The following TRPC6 variants were observed in gnomAD, a reference collection of about 807,000 sequenced individuals.
TRPC6 encodes transient receptor potential cation channel subfamily C member 6.
Under a neutral mutation model 90.7 loss-of-function variants are expected in TRPC6, and 55 were observed. The observed-to-expected ratio is 0.61, with a 90% CI of 0.49 to 0.76. TRPC6 has a LOEUF of 0.76. Ranked by LOEUF, TRPC6 falls within the 30% of genes least tolerant of loss-of-function variation. TRPC6 has a pLI of 0.00. For missense variants in TRPC6, 989 were observed against 1,122.7 expected (o/e 0.88, Z 1.70); for synonymous variants, 393 against 393.0 (o/e 1.00, Z 0.00).
chr11:101,550,063 T>A (rs1018512291), intron 1 of TRPC6, among the ~76,000 whole-genome samples: 22 of 151,780 alleles, frequency 1.4e-4, no homozygotes, highest in Non-Finnish European at 2.5e-4. Context: ...ATGAAAATAA[T>A]TCTATTCAGT....
chr11:101,504,759 T>G lies in TRPC6; in HGVS notation c.210A>C (p.Thr70=). The G allele has an allele frequency of 6.2e-7, 1 of 1,605,828 alleles. No homozygotes were observed. The highest frequency in any genetic ancestry group is 8.5e-7 in the Non-Finnish European group (1 of 1,176,256). ...ACCTTCTCCCCTTCTCACGGAGAAC[T>G]GTCTGCCGCCGGTGAGCCAGTCTGT... ...SDNRLAHRRQ[T]VLREKGRRLA... Residue 70 remains threonine, a synonymous_variant, in exon 2 of 13, where the codon ACA becomes ACC. Coordinates refer to ENST00000344327, the MANE Select transcript of TRPC6 (RefSeq NM_004621.6).
rs1410590116 is a variant in TRPC6 at position 101,504,735 on chromosome 11, C to T, written c.234G>A (p.Arg78=). 3 of 1,599,128 alleles carry T rather than the reference C, an allele frequency of 1.9e-6. No individual in the cohort carries two copies. Among genetic ancestry groups the T allele is most frequent in the Non-Finnish European group, 2.6e-6 (3 of 1,172,536 alleles). The change falls in exon 2 of 13, where the codon AGG becomes AGA. Residue 78 remains arginine, a synonymous_variant. Transcript: ENST00000344327. ...RQTVLREKGR[R]LANRGPAYMF... Reference sequence around the variant, plus strand: ...TGTATGCTGGTCCTCGATTAGCTAACCTTCTCCCCTTCTCACGGAGAACTG... The same window carrying T: ...TGTATGCTGGTCCTCGATTAGCTAATCTTCTCCCCTTCTCACGGAGAACTG...
intron 1 of TRPC6, among the ~76,000 whole-genome samples, chr11:101,512,606 G>A (rs1860419114): frequency 6.6e-6 from 1 of 152,054 alleles, no homozygotes; most frequent in Admixed American, 6.5e-5. Context: ...GAGTTCTGGG[G>A]CCAGACATTT....
chr11:101,517,712 A>C (rs1860554870), intron 1 of TRPC6, among the ~76,000 whole-genome samples: 1 of 152,224 alleles, frequency 6.6e-6, no homozygotes, highest in South Asian at 2.1e-4. Context: ...GAGGGAATAT[A>C]TAAAAATTAT....
At chr11:101,500,341 T>A (rs569354631) in intron 2 of TRPC6, among the ~76,000 whole-genome samples, 1 of 151,956 alleles carries the variant, frequency 6.6e-6, no homozygotes, top group South Asian at 2.1e-4. Flanking sequence ...CCTGCGTAGC[T>A]GGGATTACAG....
chr11:101,496,437 G>A (rs546075431), intron 2 of TRPC6, among the ~76,000 whole-genome samples: 14 of 152,198 alleles, frequency 9.2e-5, no homozygotes, highest in African/African-American at 3.1e-4. Context: ...CATTTATAAA[G>A]CATCTACTAT....
intron 1 of TRPC6, 38 bp from the exon 2 acceptor site, chr11:101,504,836 A>T: frequency 6.2e-7 from 1 of 1,607,028 alleles, no homozygotes; most frequent in Non-Finnish European, 8.5e-7. Context: ...AAATCACATT[A>T]AGAGCATTTT....
At chr11:101,462,851 T>C (rs1392716542) in intron 10 of TRPC6, among the ~76,000 whole-genome samples, 1 of 152,170 alleles carries the variant, frequency 6.6e-6, no homozygotes, top group African/African-American at 2.4e-5. Flanking sequence ...CTACGTTAAA[T>C]AGGAGTGGTG....
intron 1 of TRPC6, among the ~76,000 whole-genome samples, chr11:101,511,608 A>T (rs1483630729): frequency 6.6e-6 from 1 of 152,164 alleles, no homozygotes; most frequent in Non-Finnish European, 1.5e-5. Context: ...AGTGAGCTCA[A>T]CAGGGGACAA....
intron 1 of TRPC6, among the ~76,000 whole-genome samples, chr11:101,546,894 G>A (rs1009946007): frequency 6.6e-6 from 1 of 152,092 alleles, no homozygotes; most frequent in Non-Finnish European, 1.5e-5. Context: ...ATGAACTAGA[G>A]AGACTAAAAT....
intron 2 of TRPC6, among the ~76,000 whole-genome samples, chr11:101,502,933 A>C (rs994164613): frequency 1.3e-5 from 2 of 151,348 alleles, no homozygotes; most frequent in African/African-American, 4.9e-5. Context: ...TCCCTCAAGA[A>C]AAGAGTATAG....
Position 101,583,538 on chromosome 11 carries a change from CG to C in TRPC6, c.-36del. 1.4e-6 allele frequency: 2 copies of C among 1,417,030 alleles called. No homozygotes were observed. Among genetic ancestry groups the C allele is most frequent in the Non-Finnish European group, 9.2e-7 (1 of 1,091,084 alleles). The allele number at this position is 1,417,030 out of a possible 1,614,324, so 87.8% of individuals were successfully genotyped here. On this transcript the variant is annotated 5_prime_UTR_variant, in exon 1 of 13. Coordinates refer to ENST00000344327, the MANE Select transcript of TRPC6 (RefSeq NM_004621.6). ...GCCCGACTGGCCTGGGCCCCGCTCC[CG>C]GGGGAGCCGAGTGGGCAGTTCCAGC...
rs1457650991 is a variant in TRPC6 at position 101,499,744 on chromosome 11, T to C, written c.945+4280A>G. Among the ~76,000 whole-genome samples, 2 of 28,464 alleles carry C rather than the reference T, an allele frequency of 7.0e-5. 1 individual carries two copies. The highest frequency in any genetic ancestry group is 1.2e-4 in the Non-Finnish European group (2 of 16,458). The allele number at this position is 28,464 out of a possible 152,430, so 18.7% of individuals were successfully genotyped here. ...TATTGTGTATATGTGTATATATATATACACAATATATAATGTGTATATATA... is the reference window on the plus strand; with the variant it reads ...TATTGTGTATATGTGTATATATATACACACAATATATAATGTGTATATATA... On this transcript the variant is annotated intron_variant, in intron 2 of 12. Coordinates refer to ENST00000344327, the MANE Select transcript of TRPC6 (RefSeq NM_004621.6).
At chr11:101,565,965 T>C (rs577078615) in intron 1 of TRPC6, among the ~76,000 whole-genome samples, 1 of 152,312 alleles carries the variant, frequency 6.6e-6, no homozygotes, top group African/African-American at 2.4e-5. Context: ...CTTACTAATA[T>C]TTTCTCTATG....
At chr11:101,575,668 A>C (rs1237555475) in intron 1 of TRPC6, among the ~76,000 whole-genome samples, 1 of 152,180 alleles carries the variant, frequency 6.6e-6, no homozygotes, top group East Asian at 1.9e-4. Flanking sequence ...GAGATGAATG[A>C]ATAAATAGAT....
At chr11:101,556,678 G>A (rs1861567040) in intron 1 of TRPC6, among the ~76,000 whole-genome samples, 1 of 152,086 alleles carries the variant, frequency 6.6e-6, no homozygotes, top group Non-Finnish European at 1.5e-5. Flanking sequence ...AAATTAAACA[G>A]GAGGGAATAC....
At chr11:101,502,472 C>T (rs1331674767) in intron 2 of TRPC6, among the ~76,000 whole-genome samples, 2 of 151,966 alleles carry the variant, frequency 1.3e-5, no homozygotes, top group African/African-American at 4.8e-5. Context: ...AATTAATGAA[C>T]AAATAAAGAA....
chr11:101,520,360 A>G (rs963201788), intron 1 of TRPC6, among the ~76,000 whole-genome samples: 1 of 152,226 alleles, frequency 6.6e-6, no homozygotes, highest in Non-Finnish European at 1.5e-5. Context: ...TACAGCCTGC[A>G]GAACCTCTTT....
At chr11:101,467,798 C>CAGTCTGAAAACAGGCTGAAGACTA (rs1386430857) in intron 10 of TRPC6, among the ~76,000 whole-genome samples, 2 of 152,140 alleles carry the variant, frequency 1.3e-5, no homozygotes, top group African/African-American at 2.4e-5. Context: ...ATCTAACTCT[C>CAGTCTGAAAACAGGCTGAAGACTA]AGTCTGAAAA....
Sources: allele counts gnomAD v4.1 joint callset (sites outside exome capture counted in the v4.1 genomes callset), GRCh38; gene constraint gnomAD v4.1.1; transcripts MANE v1.5; gene names NCBI Gene and HGNC (gene_info 2026-07-23, HGNC 2026-07-21).